The following MX2 variants were observed in gnomAD, a reference collection of about 807,000 sequenced individuals.
MX2 encodes the protein MX dynamin like GTPase 2.
Under a neutral mutation model 74.0 loss-of-function variants are expected in MX2, and 51 were observed. The observed-to-expected ratio is 0.69, with a 90% CI of 0.55 to 0.87. The LOEUF (loss-of-function observed/expected upper bound fraction) is 0.87. MX2 is among the 40% of genes least tolerant of loss of function. MX2 has a pLI of 0.00. For synonymous variants in MX2, 369 were observed against 339.3 expected (o/e 1.09, Z -0.96); for missense variants, 832 against 908.7 (o/e 0.92, Z 1.09).
intron 1 of MX2, chr21:41,365,267 AG>A (rs1279418430): frequency 2.6e-5 from 4 of 152,108 alleles, no homozygotes; most frequent in African/African-American, 4.8e-5. Context: ...GTCCATGTGC[AG>A]GTTTGTTACA....
At chr21:41,376,234 A>G (rs996104294) in intron 1 of MX2, among the ~76,000 whole-genome samples, 1 of 152,192 alleles carries the variant, frequency 6.6e-6, no homozygotes, top group Admixed American at 6.5e-5. Context: ...GACACAGACC[A>G]TCAGAAGTGA....
In MX2 at chr21:41,409,112, A is replaced by G. The variant is rs1383277490; in HGVS notation, c.*879A>G. 6.6e-6 allele frequency: 1 copy of G among 152,188 alleles called. No homozygotes were observed. The highest frequency in any genetic ancestry group is 1.5e-5 in the Non-Finnish European group (1 of 68,068). The allele number at this position is 152,188 out of a possible 1,614,324, so 9.4% of individuals were successfully genotyped here. ...CATGGTGGTGCACACCTGTAGTCCC[A>G]GCCACTCAGGTGGCTGGAGCAGGAG... On this transcript the variant is annotated 3_prime_UTR_variant, in exon 14 of 14. Transcript: ENST00000330714.
intron 5 of MX2, among the ~76,000 whole-genome samples, chr21:41,387,731 C>T (rs1041456850): frequency 1.3e-5 from 2 of 152,202 alleles, no homozygotes; most frequent in African/African-American, 4.8e-5. Flanking sequence ...CCAGCTCTCT[C>T]CCCTGAAATC....
chr21:41,407,040 G>A (rs2089896362), intron 13 of MX2, 42 bp downstream of exon 13: 1 of 1,592,580 alleles, frequency 6.3e-7, no homozygotes, highest in African/African-American at 1.3e-5. Context: ...TCTGAAATTT[G>A]CAGAGCTGAG....
rs1477612769 is a variant in MX2 at position 41,382,407 on chromosome 21, T to C, written c.578-3T>C. On this transcript the variant is annotated splice_region_variant and splice_polypyrimidine_tract_variant and intron_variant, in intron 4 of 13. Coordinates refer to ENST00000330714, the MANE Select transcript of MX2 (RefSeq NM_002463.2). ...TGGGTTTCTCCCCTCCTGGCCTCCA[T>C]AGCCCAGAACGTCATGGCCGGGAAT... The C allele has an allele frequency of 1.9e-6, 3 of 1,613,876 alleles. No individual in the cohort carries two copies. Among genetic ancestry groups the C allele is most frequent in the Non-Finnish European group, 2.5e-6 (3 of 1,179,904 alleles).
intron 3 of MX2, 149 bp downstream of exon 3, chr21:41,378,130 G>C (rs983995492): frequency 2.0e-6 from 2 of 994,668 alleles, no homozygotes; most frequent in African/African-American, 1.8e-5. Context: ...CGCTGAGAGA[G>C]ACAGGCCACT....
intron 10 of MX2, chr21:41,401,234 G>A (rs1568949049): frequency 6.6e-6 from 1 of 151,998 alleles, no homozygotes; most frequent in Non-Finnish European, 1.5e-5. Flanking sequence ...ATGAGATTTG[G>A]TTGGGGACAC....
In MX2 at chr21:41,408,321, C is replaced by G. The variant is rs2089914204; in HGVS notation, c.*88C>G. ...CAGGATGCCGCTTCTGCTTTGGGGC[C>G]AAACTCTTCTGTCACTATCAGTGTC... On this transcript the variant is annotated 3_prime_UTR_variant, in exon 14 of 14. Transcript: ENST00000330714. The G allele has an allele frequency of 6.6e-7, 1 of 1,524,766 alleles. No individual in the cohort carries two copies. The highest frequency in any genetic ancestry group is 8.9e-7 in the Non-Finnish European group (1 of 1,127,598). 94.5% of individuals were successfully genotyped at this position (1,524,766 alleles called of 1,614,324 possible). A position where few individuals can be genotyped will look rare whatever the true frequency, so the allele number is the denominator to read the frequency against.
Position 41,363,118 on chromosome 21 carries a change from C to T in MX2, c.-72+1063C>T, listed in dbSNP as rs1160703776. Among the ~76,000 whole-genome samples, 1 of 152,160 alleles carries T rather than the reference C, an allele frequency of 6.6e-6. No homozygotes were observed. The highest frequency in any genetic ancestry group is 2.4e-5 in the African/African-American group (1 of 41,428). ...TTTGTGTTTAGAATGTTGTCTCTAG[C>T]TGTTTAAAAAGATCAGGATTCCAAG... On this transcript the variant is annotated intron_variant, in intron 1 of 13. Coordinates refer to ENST00000330714, the MANE Select transcript of MX2 (RefSeq NM_002463.2). The surrounding 1 kb of genome is among the most constrained non-coding windows in gnomAD (Gnocchi z 4.2).
Position 41,401,956 on chromosome 21 carries a change from G to C in MX2, c.1415-14G>C. The C allele has an allele frequency of 6.2e-7, 1 of 1,610,606 alleles. No individual in the cohort carries two copies. On this transcript the variant is annotated splice_polypyrimidine_tract_variant and intron_variant, in intron 10 of 13. Transcript: ENST00000330714. The stretch of plus-strand genomic sequence containing the variant: ...TTAGCAGAATTCACCATGGAGGTCT[G>C]TTTGATGTTGCAGTTAAAAATATTA...
chr21:41,394,251 G>A (rs1287300226), intron 6 of MX2, among the ~76,000 whole-genome samples: 12 of 145,494 alleles, frequency 8.2e-5, no homozygotes, highest in Non-Finnish European at 5.9e-5. Context: ...CAGGTGACCT[G>A]GCCCTGCCTG....
chr21:41,368,362 G>T lies in MX2; in HGVS notation c.-72+6307G>T, dbSNP rs2089286178. 6.6e-6 allele frequency among the ~76,000 whole-genome samples: 1 copy of T among 152,096 alleles called. No individual in the cohort carries two copies. Among genetic ancestry groups the T allele is most frequent in the South Asian group, 2.1e-4 (1 of 4,824 alleles). On this transcript the variant is annotated intron_variant, in intron 1 of 13. Transcript: ENST00000330714. This position sits in a 1 kb window ranked among gnomAD's most constrained non-coding sequence, Gnocchi z 4.6. ...TGAAGATTGTGCAGGGGAGACAGAT[G>T]GTTCACCAGGCACACACCAGACAAC...
rs2089408283 is a variant in MX2, at chr21:41,376,762, G to A, written c.-71-74G>A. 1.6e-5 allele frequency: 18 copies of A among 1,160,548 alleles called. No individual in the cohort carries two copies. In the South Asian group the frequency reaches 2.6e-4, roughly 17 times the overall value. 71.9% of individuals were successfully genotyped at this position (1,160,548 alleles called of 1,614,324 possible). Reference sequence around the variant, plus strand: ...GTAGGTTGTAGGGTGGGGTGAGGAGGGGTTGGCAAAAGTGCCAACTCAGGG... The same window carrying A: ...GTAGGTTGTAGGGTGGGGTGAGGAGAGGTTGGCAAAAGTGCCAACTCAGGG... On this transcript the variant is annotated intron_variant, in intron 1 of 13. Transcript: ENST00000330714.
At position 41,406,923 on chromosome 21, in the gene MX2, C is replaced by A. The variant is rs1179180135; in HGVS notation, c.1830C>A (p.Asn610Lys). Residue 610 changes from asparagine (N) to lysine (K), a missense_variant, in exon 13 of 14, where the codon AAC (asparagine) becomes AAA (lysine). Physicochemically the swap from Asn to Lys is moderately conservative, Grantham distance 94. Transcript: ENST00000330714. ...CGCCTTCACAGAATATGAAGTTGAA[C>A]TCTCATTTTCCCAGTAATGAGTCTT... is the stretch of plus-strand genomic sequence containing the variant. ...LGTPSQNMKL[N>K]SHFPSNESSV... The A allele has an allele frequency of 6.2e-7, 1 of 1,614,120 alleles. No individual in the cohort carries two copies. Among genetic ancestry groups the A allele is most frequent in the South Asian group, 1.1e-5 (1 of 91,078 alleles).
rs1340269863 is a variant in MX2 at position 41,408,264 on chromosome 21, T to A, written c.*31T>A. On this transcript the variant is annotated 3_prime_UTR_variant, in exon 14 of 14. Coordinates refer to ENST00000330714, the MANE Select transcript of MX2 (RefSeq NM_002463.2). ...GGCGATGCCTGTGGTTGTTTTCTTG[T>A]GCGTACTCATTCATTCTAAGGGGAG... 1 of 1,609,924 alleles carries A rather than the reference T, an allele frequency of 6.2e-7. No individual in the cohort carries two copies.
chr21:41,374,313 G>A (rs2089369622), intron 1 of MX2, among the ~76,000 whole-genome samples: 1 of 152,216 alleles, frequency 6.6e-6, no homozygotes, highest in Non-Finnish European at 1.5e-5. Context: ...CCGGACTGTG[G>A]GCCTCATCTT....
chr21:41,396,485 A>AAC (rs201803368), intron 7 of MX2, among the ~76,000 whole-genome samples: 1 of 18,752 alleles, frequency 5.3e-5, no homozygotes, highest in East Asian at 0.1. Context: ...CTAATGGGAA[A>AAC]ACTGAATTTG....
chr21:41,389,083 G>C (rs1225441526), intron 5 of MX2, among the ~76,000 whole-genome samples: 1 of 152,086 alleles, frequency 6.6e-6, no homozygotes, highest in East Asian at 1.9e-4. Flanking sequence ...GTGTAGCAAA[G>C]GGAATAAGCA....
chr21:41,399,429 A>C (rs768200960), intron 10 of MX2, 92 bp downstream of exon 10: 85 of 1,381,796 alleles, frequency 6.2e-5, no homozygotes, highest in Middle Eastern at 5.2e-4. Flanking sequence ...CCAAGAGTGG[A>C]ACACGTCCAT....
Sources: gnomAD v4.1 joint callset for allele counts (sites outside exome capture counted in the v4.1 genomes callset) on GRCh38, gnomAD v4.1.1 for gene constraint, Gnocchi (gnomAD v3.1) non-coding constraint, MANE v1.5 for transcripts, NCBI Gene and HGNC (gene_info 2026-07-23, HGNC 2026-07-21) for gene names.